The following ZC3HC1 variants were observed in gnomAD, a reference collection of about 807,000 sequenced individuals.
ZC3HC1 encodes the protein zinc finger C3HC-type protein 1.
In ZC3HC1, 38 loss-of-function variants were observed where a neutral mutation model predicts 61.9. The observed-to-expected ratio is 0.61, with a 90% confidence interval of 0.47 to 0.81. ZC3HC1 has a LOEUF of 0.81. Ranked by LOEUF, ZC3HC1 falls within the 30% of genes least tolerant of loss-of-function variation. The pLI, the probability that ZC3HC1 is intolerant of heterozygous loss-of-function variation, is 0.00. For missense variants in ZC3HC1, 554 were observed against 622.7 expected, an observed-to-expected ratio of 0.89 and a Z score of 1.17; for synonymous variants, 213 against 229.9, an observed-to-expected ratio of 0.93 and a Z score of 0.67.
intron 4 of ZC3HC1, among the ~76,000 whole-genome samples, chr7:130,032,962 T>C (rs2116714237): frequency 6.6e-6 from 1 of 152,316 alleles, no homozygotes; most frequent in Non-Finnish European, 1.5e-5. Flanking sequence ...TAATTATTAT[T>C]AGCCAGGTGG....
chr7:130,037,392 C>T (rs1794471400), intron 4 of ZC3HC1, among the ~76,000 whole-genome samples: 1 of 152,144 alleles, frequency 6.6e-6, no homozygotes, highest in Non-Finnish European at 1.5e-5. Context: ...TGCAGTGAGC[C>T]TAGACTGAGC....
At chr7:130,045,395 C>T (rs534229926) in intron 2 of ZC3HC1, 4 of 437,868 alleles carry the variant, frequency 9.1e-6, no homozygotes, top group South Asian at 3.2e-5. Flanking sequence ...ACATTTCTTC[C>T]GCCTTCAGTC....
rs777330736 is a variant in ZC3HC1, at chr7:130,032,109, A to C, written c.494-3080T>G. The stretch of plus-strand genomic sequence containing the variant: ...CATGGTGGTGGGTGCCTGTAATCCT[A>C]GCTACTCGGGAGGCTGAGGCAGGAG... On this transcript the variant is annotated intron_variant, in intron 4 of 9. Transcript: ENST00000358303. 1.8e-3 allele frequency among the ~76,000 whole-genome samples: 272 copies of C among 152,118 alleles called. 1 individual carries two copies. The highest frequency in any genetic ancestry group is 1.5e-3 in the Non-Finnish European group (99 of 67,994).
At chr7:130,029,492 G>A (rs1794081461) in intron 4 of ZC3HC1, among the ~76,000 whole-genome samples, 7 of 152,086 alleles carry the variant, frequency 4.6e-5, no homozygotes, top group Admixed American at 4.6e-4. Context: ...ATTTTGATGG[G>A]GCTGTAATGA....
chr7:130,029,967 T>A (rs896999076), intron 4 of ZC3HC1, among the ~76,000 whole-genome samples: 3 of 152,222 alleles, frequency 2.0e-5, no homozygotes, highest in African/African-American at 7.2e-5. Context: ...GGAATTCTAC[T>A]GGTAATACCT....
chr7:130,031,909 T>C (rs1359518279), intron 4 of ZC3HC1, among the ~76,000 whole-genome samples: 2 of 152,062 alleles, frequency 1.3e-5, no homozygotes, highest in Non-Finnish European at 2.9e-5. Context: ...TTTAAAGAAA[T>C]CTCTGTCCAA....
intron 1 of ZC3HC1, 105 bp downstream of exon 1, chr7:130,051,116 C>A: frequency 1.4e-6 from 2 of 1,435,306 alleles, no homozygotes. Flanking sequence ...GCCATCCCCA[C>A]TGCCCGAGTC....
intron 9 of ZC3HC1, 130 bp from the exon 10 acceptor site, chr7:130,018,862 A>T: frequency 1.5e-6 from 1 of 687,472 alleles, no homozygotes; most frequent in Non-Finnish European, 2.4e-6. Context: ...TGCTATACAT[A>T]ATGTATACCT....
rs11556923 is a variant in ZC3HC1, at chr7:130,024,417, G to A, written c.866C>T (p.Ser289Leu). Reference protein sequence around the residue: ...VGLWGFQQIESSMTDLDASFG... With the variant: ...VGLWGFQQIELSMTDLDASFG... Reference sequence around the variant, plus strand: ...GGATGCATCCAGGTCAGTCATGGACGATTCAATCTGCTGGAAGCCCCAGAG... The same window carrying A: ...GGATGCATCCAGGTCAGTCATGGACAATTCAATCTGCTGGAAGCCCCAGAG... Residue 289 changes from serine to leucine, a missense_variant, in exon 7 of 10, where the codon TCG (serine) becomes TTG (leucine). Coordinates refer to ENST00000358303, the MANE Select transcript of ZC3HC1 (RefSeq NM_016478.5). 4.1e-5 allele frequency: 66 copies of A among 1,613,968 alleles called. No homozygotes were observed. Among genetic ancestry groups the A allele is most frequent in the Middle Eastern group, 3.3e-4 (2 of 6,084 alleles).
chr7:130,036,197 T>C (rs377589514), intron 4 of ZC3HC1, among the ~76,000 whole-genome samples: 4 of 151,364 alleles, frequency 2.6e-5, no homozygotes, highest in Non-Finnish European at 4.4e-5. Flanking sequence ...AAGGGAAAAG[T>C]TGGAGAAAGA....
At chr7:130,040,449 G>A (rs1794604852) in intron 3 of ZC3HC1, among the ~76,000 whole-genome samples, 1 of 128,668 alleles carries the variant, frequency 7.8e-6, no homozygotes, top group Non-Finnish European at 1.5e-5. Flanking sequence ...AGCCAAGATC[G>A]CACCACTGCA....
At chr7:130,024,623 A>G (rs1034478032) in intron 6 of ZC3HC1, 117 bp from the exon 7 acceptor site, 2 of 1,174,608 alleles carry the variant, frequency 1.7e-6, no homozygotes, top group East Asian at 2.6e-5. Flanking sequence ...ACCATGTCCT[A>G]TCAGAGCCTC....
chr7:130,022,139 C>T (rs999933360), intron 9 of ZC3HC1, among the ~76,000 whole-genome samples, 180 bp downstream of exon 9: 1 of 152,058 alleles, frequency 6.6e-6, no homozygotes, highest in African/African-American at 2.4e-5. Context: ...CCATTGGACT[C>T]CAGCCTAGGC....
intron 9 of ZC3HC1, among the ~76,000 whole-genome samples, chr7:130,021,668 A>C (rs147330562): frequency 6.6e-6 from 1 of 152,338 alleles, no homozygotes; most frequent in African/African-American, 2.4e-5. Flanking sequence ...TGCAAGTGAC[A>C]GCAAATGAAA....
chr7:130,027,722 T>TTGGCCAGGCTGGTCTCGAACTCC (rs1793982117), intron 5 of ZC3HC1, among the ~76,000 whole-genome samples: 1 of 151,956 alleles, frequency 6.6e-6, no homozygotes, highest in Non-Finnish European at 1.5e-5. Flanking sequence ...TTTCACCATG[T>TTGGCCAGGCTGGTCTCGAACTCC]TGGCCAGGCT....
At chr7:130,028,254 T>A (rs1473181481) in intron 5 of ZC3HC1, among the ~76,000 whole-genome samples, 3 of 148,148 alleles carry the variant, frequency 2.0e-5, no homozygotes. Context: ...TTAAATAGTT[T>A]AAGTAGGCTG....
At chr7:130,031,249 C>T (rs1025819692) in intron 4 of ZC3HC1, among the ~76,000 whole-genome samples, 7 of 150,482 alleles carry the variant, frequency 4.7e-5, no homozygotes, top group Admixed American at 4.0e-4. Context: ...TCGCTTGAAC[C>T]CGGGAGGCGG....
chr7:130,048,821 A>G (rs1794963847), intron 2 of ZC3HC1, among the ~76,000 whole-genome samples: 1 of 152,178 alleles, frequency 6.6e-6, no homozygotes, highest in South Asian at 2.1e-4. Flanking sequence ...TTCTTTTCTC[A>G]GGCTCTTAGT....
At chr7:130,048,932 T>C (rs1794968516) in intron 2 of ZC3HC1, 101 bp downstream of exon 2, 1 of 822,578 alleles carries the variant, frequency 1.2e-6, no homozygotes, top group South Asian at 3.4e-5. Context: ...TTACCAAGGT[T>C]TTATTCTTAA....
Sources: allele counts gnomAD v4.1 joint callset (sites outside exome capture counted in the v4.1 genomes callset), GRCh38; gene constraint gnomAD v4.1.1; transcripts MANE v1.5; gene names NCBI Gene and HGNC (gene_info 2026-07-23, HGNC 2026-07-21).